The following RSU1 variants were observed in gnomAD, a reference collection of about 807,000 sequenced individuals.
RSU1 encodes the protein Ras suppressor protein 1, also known as rsu-1.
RSU1 carries 26 observed loss-of-function variants against 31.1 expected under a neutral mutation model. That is an observed-to-expected ratio of 0.84 (90% confidence interval 0.61 to 1.16). The LOEUF is 1.16. RSU1 is among the 50% of genes most tolerant of loss of function. The probability of loss-of-function intolerance (pLI) is 0.00; values close to 1 mark genes in which losing one functional copy is unlikely to be tolerated. For missense variants in RSU1, 320 were observed against 339.1 expected (o/e 0.94, Z 0.44); for synonymous variants, 164 against 136.3 (o/e 1.20, Z -1.41).
chr10:16,647,585 TGG>T (rs1412693951), intron 8 of RSU1, among the ~76,000 whole-genome samples: 13 of 152,130 alleles, frequency 8.5e-5, no homozygotes, highest in Non-Finnish European at 1.9e-4. Flanking sequence ...TACTAACATA[TGG>T]TATGACTCCA....
intron 7 of RSU1, among the ~76,000 whole-genome samples, chr10:16,739,200 G>A (rs1343648145): frequency 6.6e-6 from 1 of 152,070 alleles, no homozygotes; most frequent in Non-Finnish European, 1.5e-5. Flanking sequence ...ATAGTAGAAT[G>A]AATTATAATC....
At chr10:16,800,083 G>A (rs1200620442) in intron 2 of RSU1, among the ~76,000 whole-genome samples, 3 of 152,116 alleles carry the variant, frequency 2.0e-5, no homozygotes, top group African/African-American at 7.2e-5. Flanking sequence ...GAAGACACAA[G>A]AGAAAATTTT....
chr10:16,596,866 G>C (rs924428928), intron 8 of RSU1, among the ~76,000 whole-genome samples: 26 of 152,116 alleles, frequency 1.7e-4, no homozygotes, highest in African/African-American at 5.8e-4. Context: ...GGAATTACAA[G>C]TGTGTACCAC....
intron 7 of RSU1, among the ~76,000 whole-genome samples, chr10:16,710,135 T>C (rs1001292474): frequency 6.6e-6 from 1 of 152,194 alleles, no homozygotes; most frequent in African/African-American, 2.4e-5. Flanking sequence ...CAGTATGATG[T>C]CAGCTGTGGG....
At chr10:16,701,527 T>C (rs1431353636) in intron 7 of RSU1, among the ~76,000 whole-genome samples, 2 of 152,194 alleles carry the variant, frequency 1.3e-5, no homozygotes, top group Admixed American at 6.6e-5. Flanking sequence ...ATTCTGTACA[T>C]TTAATGCATG....
At chr10:16,700,087 T>G (rs1184618616) in intron 7 of RSU1, among the ~76,000 whole-genome samples, 1 of 152,190 alleles carries the variant, frequency 6.6e-6, no homozygotes, top group Non-Finnish European at 1.5e-5. Context: ...TGGAAATTGG[T>G]TGTTTCCATA....
At chr10:16,694,932 A>G in intron 8 of RSU1, 91 bp downstream of exon 8, 1 of 1,242,768 alleles carries the variant, frequency 8.0e-7, no homozygotes, top group Non-Finnish European at 1.1e-6. Flanking sequence ...ACTGCCATCA[A>G]TAGGATACTG....
chr10:16,610,304 G>A lies in RSU1; in HGVS notation c.732-16808C>T, dbSNP rs1368723532. 6.6e-5 allele frequency among the ~76,000 whole-genome samples: 10 copies of A among 152,230 alleles called. No individual in the cohort carries two copies. The East Asian group carries it at 1.9e-3, about 29-fold the overall frequency. On this transcript the variant is annotated intron_variant, in intron 8 of 8. Coordinates refer to ENST00000345264, the MANE Select transcript of RSU1 (RefSeq NM_012425.4). The stretch of plus-strand genomic sequence containing the variant: ...AGATATAGACAAGCTGAATATGGTG[G>A]AGTTGAGCCACCTTCTTGTACTTAG...
chr10:16,711,207 CAT>C (rs1232749734), intron 7 of RSU1, among the ~76,000 whole-genome samples: 1 of 152,088 alleles, frequency 6.6e-6, no homozygotes, highest in Non-Finnish European at 1.5e-5. Context: ...TATAGCAGCT[CAT>C]AATATTCTCT....
At chr10:16,775,593 T>C (rs1837510731) in intron 3 of RSU1, among the ~76,000 whole-genome samples, 1 of 152,132 alleles carries the variant, frequency 6.6e-6, no homozygotes. Flanking sequence ...TTCGACTTCA[T>C]TCGCTGGCCT....
rs749446038 is a variant in RSU1 at position 16,695,207 on chromosome 10, G to A, written c.599-52C>T. On this transcript the variant is annotated intron_variant, in intron 7 of 8. Coordinates refer to ENST00000345264, the MANE Select transcript of RSU1 (RefSeq NM_012425.4). The stretch of plus-strand genomic sequence containing the variant: ...GGTCACTTCATCCAATACAGATCAG[G>A]TCTAAGAAGTCCTTCTCAGTAATCA... 6 of 1,536,830 alleles carry A rather than the reference G, an allele frequency of 3.9e-6. No individual in the cohort carries two copies. In the East Asian group the frequency reaches 1.4e-4, roughly 35 times the overall value.
intron 8 of RSU1, among the ~76,000 whole-genome samples, chr10:16,667,955 C>G (rs1215637852): frequency 3.9e-5 from 6 of 152,074 alleles, no homozygotes; most frequent in Admixed American, 2.0e-4. Flanking sequence ...AATAACCACA[C>G]AAATAAATAT....
chr10:16,670,383 C>G (rs1835084386), intron 8 of RSU1, among the ~76,000 whole-genome samples: 1 of 152,180 alleles, frequency 6.6e-6, no homozygotes, highest in Non-Finnish European at 1.5e-5. Flanking sequence ...CTCAAAGCAG[C>G]TAGCAATGCA....
intron 2 of RSU1, among the ~76,000 whole-genome samples, chr10:16,796,722 A>C (rs1838043383): frequency 6.9e-6 from 1 of 145,196 alleles, no homozygotes; most frequent in African/African-American, 2.6e-5. Flanking sequence ...GAAAAAGTGT[A>C]GGTGCAGGAA....
intron 7 of RSU1, among the ~76,000 whole-genome samples, chr10:16,751,116 T>C (rs541780442): frequency 9.2e-5 from 14 of 152,214 alleles, no homozygotes; most frequent in African/African-American, 3.4e-4. Context: ...ATCCGCCTGC[T>C]TCGGCCTCCC....
In RSU1 at chr10:16,606,364, C is replaced by T. The variant is rs569960293; in HGVS notation, c.732-12868G>A. Among the ~76,000 whole-genome samples, 193 of 152,162 alleles carry T rather than the reference C, an allele frequency of 1.3e-3. 1 individual carries two copies. Among genetic ancestry groups the T allele is most frequent in the African/African-American group, 4.5e-3 (188 of 41,522 alleles). On this transcript the variant is annotated intron_variant, in intron 8 of 8. Coordinates refer to ENST00000345264, the MANE Select transcript of RSU1 (RefSeq NM_012425.4). ...TATTGCCCAGGTTAGTGTCAAACTT[C>T]TGACCTCAAGTGATCTCAGACTCCT...
intron 7 of RSU1, among the ~76,000 whole-genome samples, chr10:16,696,742 G>A (rs1835683143): frequency 6.6e-6 from 1 of 152,172 alleles, no homozygotes; most frequent in Non-Finnish European, 1.5e-5. Context: ...GAGTCAGAAA[G>A]CTGCCTAGGG....
At chr10:16,607,343 T>C (rs761013709) in intron 8 of RSU1, among the ~76,000 whole-genome samples, 2 of 152,190 alleles carry the variant, frequency 1.3e-5, no homozygotes, top group Admixed American at 6.5e-5. Flanking sequence ...GTCTCAGGTA[T>C]GTCTTTATAG....
intron 2 of RSU1, among the ~76,000 whole-genome samples, chr10:16,808,470 T>G (rs1588550393): frequency 4.4e-5 from 5 of 113,344 alleles, no homozygotes; most frequent in South Asian, 5.3e-4. Flanking sequence ...GCAACAAGAG[T>G]GAAACTCCAT....
Sources: gnomAD v4.1 joint callset for allele counts (sites outside exome capture counted in the v4.1 genomes callset) on GRCh38, gnomAD v4.1.1 for gene constraint, MANE v1.5 for transcripts, NCBI Gene and HGNC (gene_info 2026-07-23, HGNC 2026-07-21) for gene names.